Variants in EGLN1 observed in about 807,000 individuals in gnomAD.
EGLN1 encodes egl-9 family hypoxia inducible factor 1, also known as egl nine homolog 1.
A neutral mutation model predicts 38.3 loss-of-function variants in EGLN1; 17 were observed. The ratio of observed to expected loss-of-function variants is 0.44; its 90% CI spans 0.30 to 0.67. The LOEUF is 0.67. EGLN1 is among the 30% of genes least tolerant of loss of function. EGLN1 has a pLI of 0.08. For missense variants in EGLN1, 477 were observed against 603.3 expected (o/e 0.79, Z 2.19); for synonymous variants, 283 against 257.5 (o/e 1.10, Z -0.95).
At chr1:231,409,852 T>C (rs1295309431) in intron 1 of EGLN1, among the ~76,000 whole-genome samples, 1 of 152,182 alleles carries the variant, frequency 6.6e-6, no homozygotes, top group Non-Finnish European at 1.5e-5. Flanking sequence ...TTAACTCCTA[T>C]CATACTGATG....
intron 1 of EGLN1, among the ~76,000 whole-genome samples, chr1:231,410,872 A>G (rs1688923524): frequency 6.6e-6 from 1 of 150,878 alleles, no homozygotes; most frequent in Non-Finnish European, 1.5e-5. Flanking sequence ...GCGGGGAATC[A>G]CTAAATTTTT....
chr1:231,403,767 CAAAAAAA>C (rs1167705317), intron 1 of EGLN1, among the ~76,000 whole-genome samples: 9 of 18,302 alleles, frequency 4.9e-4, no homozygotes, highest in African/African-American at 6.5e-4. Flanking sequence ...GACTCCATCT[CAAAAAAA>C]AAAAAAAAAA....
At chr1:231,403,604 C>T (rs1688714857) in intron 1 of EGLN1, among the ~76,000 whole-genome samples, 1 of 151,538 alleles carries the variant, frequency 6.6e-6, no homozygotes, top group Non-Finnish European at 1.5e-5. Context: ...AACCCTGTCT[C>T]TACTAAAAAT....
intron 1 of EGLN1, among the ~76,000 whole-genome samples, chr1:231,386,703 A>G (rs908936593): frequency 7.9e-5 from 12 of 152,344 alleles, no homozygotes; most frequent in African/African-American, 2.9e-4. Flanking sequence ...TATCTACTGA[A>G]TAAATCAATT....
At chr1:231,370,800 T>C in intron 2 of EGLN1, 102 bp from the exon 3 acceptor site, 4 of 1,342,016 alleles carry the variant, frequency 3.0e-6, no homozygotes, top group Non-Finnish European at 4.2e-6. Context: ...AATTGGATTA[T>C]TCACAAATAC....
intron 1 of EGLN1, among the ~76,000 whole-genome samples, chr1:231,404,291 C>T (rs1688733508): frequency 6.6e-6 from 1 of 152,066 alleles, no homozygotes; most frequent in East Asian, 1.9e-4. Context: ...TTTATAATGG[C>T]CACTTAAAAG....
intron 1 of EGLN1, among the ~76,000 whole-genome samples, chr1:231,413,508 T>A (rs1425481866): frequency 6.6e-6 from 1 of 152,240 alleles, no homozygotes; most frequent in Non-Finnish European, 1.5e-5. Flanking sequence ...ACCAATCTTA[T>A]CTAAAAGAGT....
At chr1:231,389,461 C>T (rs1418034842) in intron 1 of EGLN1, among the ~76,000 whole-genome samples, 1 of 152,014 alleles carries the variant, frequency 6.6e-6, no homozygotes, top group African/African-American at 2.4e-5. Context: ...CAATATCCAG[C>T]GAGTAACAGT....
chr1:231,385,508 T>G (rs1688182030), intron 1 of EGLN1, among the ~76,000 whole-genome samples: 1 of 152,218 alleles, frequency 6.6e-6, no homozygotes, highest in Non-Finnish European at 1.5e-5. Context: ...GGTCATGGTG[T>G]GTGTGTAGAC....
At chr1:231,369,915 T>G (rs1250783007) in intron 3 of EGLN1, among the ~76,000 whole-genome samples, 4 of 152,214 alleles carry the variant, frequency 2.6e-5, no homozygotes, top group Non-Finnish European at 5.9e-5. Context: ...GCCAGAGCAT[T>G]TTAATTGAGT....
At chr1:231,394,022 AAGG>A (rs1156358807) in intron 1 of EGLN1, among the ~76,000 whole-genome samples, 1 of 152,204 alleles carries the variant, frequency 6.6e-6, no homozygotes, top group Non-Finnish European at 1.5e-5. Flanking sequence ...ATTGGCTTGC[AAGG>A]AGAACTCCAA....
chr1:231,399,870 G>C (rs1337753004), intron 1 of EGLN1, among the ~76,000 whole-genome samples: 1 of 152,042 alleles, frequency 6.6e-6, no homozygotes, highest in Non-Finnish European at 1.5e-5. Flanking sequence ...ACAGGAGAGG[G>C]AAAAGGGCAG....
At chr1:231,367,452 A>G in intron 4 of EGLN1, 117 bp downstream of exon 4, 1 of 1,087,494 alleles carries the variant, frequency 9.2e-7, no homozygotes, top group Non-Finnish European at 1.4e-6. Flanking sequence ...AATCTGATAA[A>G]AAACAAAAAG....
chr1:231,396,814 C>T (rs1421199685), intron 1 of EGLN1, among the ~76,000 whole-genome samples: 2 of 152,162 alleles, frequency 1.3e-5, no homozygotes, highest in African/African-American at 4.8e-5. Flanking sequence ...CTTGTTCAAC[C>T]AGTCTCCCTA....
chr1:231,415,997 C>T (rs58975440), intron 1 of EGLN1, among the ~76,000 whole-genome samples: 1,828 of 152,082 alleles, frequency 0.012, 42 homozygotes, highest in African/African-American at 0.042. Flanking sequence ...AAAAGGCATG[C>T]AACACTACAC....
chr1:231,406,566 C>G (rs951959941), intron 1 of EGLN1, among the ~76,000 whole-genome samples: 1 of 152,034 alleles, frequency 6.6e-6, no homozygotes, highest in Non-Finnish European at 1.5e-5. Context: ...GGAAAAGAAA[C>G]TCAAACCATA....
intron 1 of EGLN1, among the ~76,000 whole-genome samples, chr1:231,416,952 G>C (rs1362851925): frequency 1.3e-5 from 2 of 152,166 alleles, no homozygotes; most frequent in Non-Finnish European, 2.9e-5. Flanking sequence ...TGGATCCCAA[G>C]CATACAAAGA....
chr1:231,390,946 C>G (rs1458734239), intron 1 of EGLN1, among the ~76,000 whole-genome samples: 1 of 151,190 alleles, frequency 6.6e-6, no homozygotes, highest in African/African-American at 2.5e-5. Flanking sequence ...CTCCTGAGCT[C>G]AAGCAATACT....
At chr1:231,409,992 G>C (rs1186569922) in intron 1 of EGLN1, among the ~76,000 whole-genome samples, 2 of 151,860 alleles carry the variant, frequency 1.3e-5, no homozygotes, top group Non-Finnish European at 2.9e-5. Context: ...AACCCAGGGG[G>C]AAAAAAAGTG....
Sources: gnomAD v4.1 joint callset for allele counts (sites outside exome capture counted in the v4.1 genomes callset) on GRCh38, gnomAD v4.1.1 for gene constraint, MANE v1.5 for transcripts, NCBI Gene and HGNC (gene_info 2026-07-23, HGNC 2026-07-21) for gene names.